Variants in ITCH observed in about 807,000 individuals in gnomAD.
The protein encoded by ITCH is itchy E3 ubiquitin protein ligase.
In ITCH, 28 loss-of-function variants were observed where a neutral mutation model predicts 126.8. The observed-to-expected ratio is 0.22, with a 90% CI of 0.16 to 0.30. The LOEUF (loss-of-function observed/expected upper bound fraction) is 0.30. ITCH is among the 10% of genes least tolerant of loss of function. ITCH has a pLI of 1.00. For missense variants in ITCH, 631 were observed against 1,032.4 expected (o/e 0.61, Z 5.33); for synonymous variants, 342 against 340.0 (o/e 1.01, Z -0.06).
intron 7 of ITCH, among the ~76,000 whole-genome samples, chr20:34,431,787 C>G (rs2146253321): frequency 6.6e-6 from 1 of 151,932 alleles, no homozygotes; most frequent in East Asian, 1.9e-4. Flanking sequence ...CTCCTGTAAT[C>G]CCAGCACTTT....
chr20:34,462,955 G>A (rs1386464233), intron 14 of ITCH, among the ~76,000 whole-genome samples: 1 of 152,170 alleles, frequency 6.6e-6, no homozygotes, highest in Admixed American at 6.6e-5. Context: ...TATTGAAGCT[G>A]AATAATATTC....
chr20:34,489,286 T>C lies in ITCH; in HGVS notation c.2114T>C (p.Leu705Ser). The C allele has an allele frequency of 6.2e-7, 1 of 1,613,802 alleles. No homozygotes were observed. Among genetic ancestry groups the C allele is most frequent in the Non-Finnish European group, 8.5e-7 (1 of 1,179,742 alleles). Residue 705 changes from leucine to serine, a missense_variant, in exon 21 of 25, where the codon TTG becomes TCG. This residue lies in a region of ITCH where 390 missense variants were observed against 731.6 expected (regional missense o/e 0.53). Transcript: ENST00000374864. ...GCCAGAATGGTAGCTGAGTGGAGGT[T>C]GTCTCGAGGTGTTGAAGAACAGACA... ...EYIRMVAEWR[L>S]SRGVEEQTQA...
At chr20:34,403,664 C>T (rs2038959760) in intron 3 of ITCH, among the ~76,000 whole-genome samples, 1 of 152,062 alleles carries the variant, frequency 6.6e-6, no homozygotes, top group South Asian at 2.1e-4. Flanking sequence ...AAATGAAAAG[C>T]TGACGGAGCC....
intron 13 of ITCH, among the ~76,000 whole-genome samples, 161 bp downstream of exon 13, chr20:34,457,635 GA>G (rs1469075145): frequency 3.3e-5 from 5 of 152,142 alleles, no homozygotes; most frequent in Non-Finnish European, 5.9e-5. Flanking sequence ...TCATCTAATG[GA>G]AAGTTTGAAG....
intron 20 of ITCH, among the ~76,000 whole-genome samples, chr20:34,489,020 C>T (rs1269756866): frequency 6.6e-6 from 1 of 152,136 alleles, no homozygotes; most frequent in Non-Finnish European, 1.5e-5. Context: ...GCTCAGGTGA[C>T]AGAGTGAGAC....
At chr20:34,407,001 A>T (rs2039082206) in intron 3 of ITCH, among the ~76,000 whole-genome samples, 1 of 152,078 alleles carries the variant, frequency 6.6e-6, no homozygotes, top group South Asian at 2.1e-4. Flanking sequence ...TAGTTACCTC[A>T]TCTATGAGGG....
At chr20:34,488,833 T>C (rs1459081799) in intron 20 of ITCH, among the ~76,000 whole-genome samples, 2 of 152,142 alleles carry the variant, frequency 1.3e-5, no homozygotes, top group East Asian at 1.9e-4. Context: ...AGGCCAGATA[T>C]TTAAAACCAG....
At chr20:34,481,626 C>T (rs1191402190) in intron 20 of ITCH, among the ~76,000 whole-genome samples, 7 of 152,220 alleles carry the variant, frequency 4.6e-5, no homozygotes, top group Non-Finnish European at 7.4e-5. Flanking sequence ...AGGCCTCACC[C>T]TCATGGTGGA....
chr20:34,507,697 T>G lies in ITCH; in HGVS notation c.2492T>G (p.Phe831Cys). Residue 831 changes from phenylalanine (F) to cysteine (C), a missense_variant and splice_region_variant, in exon 25 of 25, where the codon TTT becomes TGT. This residue lies in a region of ITCH where 390 missense variants were observed against 731.6 expected (regional missense o/e 0.53). Coordinates refer to ENST00000374864, the MANE Select transcript of ITCH (RefSeq NM_031483.7). ...AAACTAACAATTCTTGCTTTTAGTT[T>G]TAATCGCCTGGACCTGCCACCATAC... ...ENWLPRSHTC[F>C]NRLDLPPYKS... 2 of 1,613,386 alleles carry G rather than the reference T, an allele frequency of 1.2e-6. No homozygotes were observed. Among genetic ancestry groups the G allele is most frequent in the Non-Finnish European group, 1.7e-6 (2 of 1,179,414 alleles).
intron 9 of ITCH, 147 bp downstream of exon 9, chr20:34,440,491 C>G (rs548158793): frequency 5.7e-6 from 4 of 696,794 alleles, no homozygotes; most frequent in Non-Finnish European, 9.8e-6. Context: ...ATGGAGTGCT[C>G]TGTCTCCCAG....
intron 12 of ITCH, among the ~76,000 whole-genome samples, chr20:34,453,522 C>T (rs961728112): frequency 6.6e-6 from 1 of 151,936 alleles, no homozygotes; most frequent in African/African-American, 2.4e-5. Context: ...GCTTGAGCCC[C>T]GGAGGTCAAG....
At chr20:34,407,603 A>T (rs1485522511) in intron 3 of ITCH, among the ~76,000 whole-genome samples, 1 of 152,164 alleles carries the variant, frequency 6.6e-6, no homozygotes, top group African/African-American at 2.4e-5. Context: ...AAGCTCCCAT[A>T]CAAAGCTTAT....
intron 6 of ITCH, among the ~76,000 whole-genome samples, chr20:34,418,366 T>G (rs984932715): frequency 1.3e-5 from 2 of 152,018 alleles, no homozygotes; most frequent in African/African-American, 4.8e-5. Context: ...TTAGGGAGAG[T>G]TTTTGGAATA....
At chr20:34,398,618 T>C (rs944525989) in intron 3 of ITCH, among the ~76,000 whole-genome samples, 1 of 151,876 alleles carries the variant, frequency 6.6e-6, no homozygotes, top group African/African-American at 2.4e-5. Context: ...AGGCTGGTCT[T>C]GAACTCCTGA....
chr20:34,407,850 C>T (rs1281813122), intron 3 of ITCH, among the ~76,000 whole-genome samples: 2 of 152,216 alleles, frequency 1.3e-5, no homozygotes, highest in African/African-American at 4.8e-5. Flanking sequence ...ATATAATCTC[C>T]TTGAAAGCCA....
intron 6 of ITCH, among the ~76,000 whole-genome samples, chr20:34,422,070 T>A (rs1388290852): frequency 6.6e-6 from 1 of 152,174 alleles, no homozygotes; most frequent in Non-Finnish European, 1.5e-5. Context: ...CCTAATGAGA[T>A]GTAAATTTTG....
intron 3 of ITCH, among the ~76,000 whole-genome samples, chr20:34,400,949 A>T (rs1431488731): frequency 1.3e-5 from 2 of 152,072 alleles, no homozygotes; most frequent in Admixed American, 6.6e-5. Flanking sequence ...AGTAGAGATG[A>T]GGCTTTACCA....
intron 20 of ITCH, among the ~76,000 whole-genome samples, chr20:34,483,449 C>T (rs1481202040): frequency 2.0e-5 from 3 of 152,180 alleles, no homozygotes; most frequent in Admixed American, 6.5e-5. Flanking sequence ...AATCATCTCT[C>T]TCAAGTACAA....
intron 7 of ITCH, among the ~76,000 whole-genome samples, chr20:34,431,916 C>T (rs536673788): frequency 1.1e-4 from 17 of 151,972 alleles, no homozygotes; most frequent in African/African-American, 3.4e-4. Flanking sequence ...TGGTGGCATG[C>T]GCCTGTAATT....
Sources: gnomAD v4.1 joint callset for allele counts (sites outside exome capture counted in the v4.1 genomes callset) on GRCh38, gnomAD v4.1.1 for gene constraint, gnomAD v4.1.1 regional missense constraint, MANE v1.5 for transcripts, NCBI Gene and HGNC (gene_info 2026-07-23, HGNC 2026-07-21) for gene names.